HCN1: variants seen among roughly 807,000 people sequenced by gnomAD.
The protein encoded by HCN1 is potassium/sodium hyperpolarization-activated cyclic nucleotide-gated channel 1.
A neutral mutation model predicts 78.9 loss-of-function variants in HCN1; 13 were observed. The ratio of observed to expected loss-of-function variants is 0.16; its 90% confidence interval spans 0.11 to 0.26. HCN1 has a LOEUF of 0.26. Among genes scored for constraint, HCN1 ranks in the 10% least tolerant of loss-of-function variants. The pLI is 1.00. For synonymous variants in HCN1, 552 were observed against 455.5 expected (o/e 1.21, Z -2.70); for missense variants, 810 against 1,154.3 (o/e 0.70, Z 4.32).
intron 1 of HCN1, among the ~76,000 whole-genome samples, chr5:45,677,157 C>T (rs892063909): frequency 6.6e-6 from 1 of 151,804 alleles, no homozygotes; most frequent in Non-Finnish European, 1.5e-5. Context: ...ACCCCTAGCT[C>T]TACCCTGCCA....
intron 7 of HCN1, among the ~76,000 whole-genome samples, chr5:45,265,372 A>T (rs527442580): frequency 1.3e-5 from 2 of 152,256 alleles, no homozygotes; most frequent in African/African-American, 4.8e-5. Flanking sequence ...CACACACTAC[A>T]AAGAGGGAAG....
intron 4 of HCN1, among the ~76,000 whole-genome samples, chr5:45,380,550 T>C (rs1747788576): frequency 6.6e-6 from 1 of 152,144 alleles, no homozygotes; most frequent in South Asian, 2.1e-4. Flanking sequence ...AATATGTTTA[T>C]AATAAATGGA....
At chr5:45,288,019 GT>G (rs1312575610) in intron 6 of HCN1, among the ~76,000 whole-genome samples, 1 of 151,962 alleles carries the variant, frequency 6.6e-6, no homozygotes, top group Non-Finnish European at 1.5e-5. Flanking sequence ...CATTATTCCA[GT>G]TTTACAGGTT....
intron 3 of HCN1, among the ~76,000 whole-genome samples, chr5:45,454,337 A>C (rs1740981647): frequency 6.6e-6 from 1 of 152,038 alleles, no homozygotes; most frequent in Non-Finnish European, 1.5e-5. Flanking sequence ...ATTGGGAGAG[A>C]CAGGACAGCA....
intron 2 of HCN1, among the ~76,000 whole-genome samples, chr5:45,583,668 T>C (rs1448924857): frequency 6.6e-6 from 1 of 152,202 alleles, no homozygotes; most frequent in African/African-American, 2.4e-5. Flanking sequence ...CATTTAGTGC[T>C]ATAAATTTCC....
At chr5:45,386,380 T>C (rs929184066) in intron 4 of HCN1, among the ~76,000 whole-genome samples, 1 of 152,038 alleles carries the variant, frequency 6.6e-6, no homozygotes, top group Non-Finnish European at 1.5e-5. Flanking sequence ...GGTCTCCCTC[T>C]GTTGCCCAGG....
chr5:45,651,189 C>T (rs1241806124), intron 1 of HCN1, among the ~76,000 whole-genome samples: 1 of 151,926 alleles, frequency 6.6e-6, no homozygotes, highest in African/African-American at 2.4e-5. Flanking sequence ...AATCTGTCCC[C>T]TCAACTCACA....
chr5:45,292,675 A>C (rs1745404935), intron 6 of HCN1, among the ~76,000 whole-genome samples: 1 of 152,026 alleles, frequency 6.6e-6, no homozygotes, highest in Non-Finnish European at 1.5e-5. Context: ...AAATAATATT[A>C]TTCTCAAAGA....
intron 2 of HCN1, among the ~76,000 whole-genome samples, chr5:45,591,676 A>G (rs1381857964): frequency 1.3e-5 from 2 of 152,188 alleles, no homozygotes; most frequent in Admixed American, 1.3e-4. Context: ...TATATTTTGG[A>G]TAACAGGCCT....
intron 3 of HCN1, among the ~76,000 whole-genome samples, chr5:45,446,679 A>G (rs1740804773): frequency 6.6e-6 from 1 of 152,266 alleles, no homozygotes; most frequent in African/African-American, 2.4e-5. Context: ...TCAGACTAAC[A>G]GTGGATCTCT....
intron 3 of HCN1, among the ~76,000 whole-genome samples, chr5:45,432,678 G>A (rs1246227561): frequency 6.6e-6 from 1 of 152,036 alleles, no homozygotes; most frequent in East Asian, 1.9e-4. Flanking sequence ...AGTGTGTTGA[G>A]GGCTTTTCAT....
intron 1 of HCN1, among the ~76,000 whole-genome samples, chr5:45,676,219 T>C (rs1031820585): frequency 6.6e-6 from 1 of 151,824 alleles, no homozygotes; most frequent in Non-Finnish European, 1.5e-5. Flanking sequence ...ACCTGCTTTT[T>C]CATCATGAAT....
intron 1 of HCN1, among the ~76,000 whole-genome samples, chr5:45,685,547 T>C (rs1465389741): frequency 2.0e-5 from 3 of 152,074 alleles, no homozygotes; most frequent in Admixed American, 1.3e-4. Flanking sequence ...AACCCATCTC[T>C]AACAAAAATA....
chr5:45,690,568 G>C (rs1474387118), intron 1 of HCN1, among the ~76,000 whole-genome samples: 1 of 152,070 alleles, frequency 6.6e-6, no homozygotes, highest in East Asian at 1.9e-4. Flanking sequence ...GATGCACCAG[G>C]AATCCTGATT....
chr5:45,319,232 T>C (rs911965789), intron 5 of HCN1, among the ~76,000 whole-genome samples: 1 of 151,966 alleles, frequency 6.6e-6, no homozygotes, highest in African/African-American at 2.4e-5. Flanking sequence ...AATTTCTGGG[T>C]AATAGAATAA....
intron 2 of HCN1, among the ~76,000 whole-genome samples, chr5:45,523,885 T>G (rs889126278): frequency 6.6e-6 from 1 of 152,198 alleles, no homozygotes; most frequent in African/African-American, 2.4e-5. Flanking sequence ...TTTGTCAATT[T>G]TGGCTTTTGT....
rs551235549 is a variant in HCN1 at position 45,358,150 on chromosome 5, A to G, written c.1231-4904T>C. 2.6e-5 allele frequency among the ~76,000 whole-genome samples: 4 copies of G among 152,150 alleles called. No homozygotes were observed. The South Asian group carries it at 8.3e-4, about 32-fold the overall frequency. On this transcript the variant is annotated intron_variant, in intron 4 of 7. Transcript: ENST00000303230. The stretch of plus-strand genomic sequence containing the variant: ...CCGATCTTAGGTTTTCCTTTTTAGC[A>G]ACAGAAAAATGGACTAAGAGAGAAG...
chr5:45,547,130 G>A (rs1431477024), intron 2 of HCN1, among the ~76,000 whole-genome samples: 3 of 151,816 alleles, frequency 2.0e-5, no homozygotes, highest in African/African-American at 7.2e-5. Flanking sequence ...GTTCTTTATT[G>A]CCAACTGAGT....
At chr5:45,396,085 G>A (rs926052794) in intron 4 of HCN1, among the ~76,000 whole-genome samples, 1 of 152,082 alleles carries the variant, frequency 6.6e-6, no homozygotes, top group Admixed American at 6.6e-5. Flanking sequence ...ATGAGGGGGG[G>A]TACAGAGGGA....
Sources: gnomAD v4.1 joint callset for allele counts (sites outside exome capture counted in the v4.1 genomes callset) on GRCh38, gnomAD v4.1.1 for gene constraint, MANE v1.5 for transcripts, NCBI Gene and HGNC (gene_info 2026-07-23, HGNC 2026-07-21) for gene names.